The following IPMK variants were observed in gnomAD, a reference collection of about 807,000 sequenced individuals.
IPMK encodes inositol 1,3,4,6-tetrakisphosphate 5-kinase.
IPMK carries 17 observed loss-of-function variants against 45.8 expected under a neutral mutation model. That is an observed-to-expected ratio of 0.37 (90% CI 0.25 to 0.56). The LOEUF is 0.56. IPMK is among the 20% of genes least tolerant of loss of function. The pLI is 0.79. For missense variants in IPMK, 399 were observed against 498.0 expected (o/e 0.80, Z 1.89); for synonymous variants, 180 against 184.3 (o/e 0.98, Z 0.19).
At chr10:58,243,461 T>C (rs113583191) in intron 1 of IPMK, among the ~76,000 whole-genome samples, 2,699 of 152,294 alleles carry the variant, frequency 0.018, 90 homozygotes, top group African/African-American at 0.059. Context: ...CCTCGCTGCC[T>C]CGGGCTCGGG....
At chr10:58,258,609 C>A (rs1468006221) in intron 1 of IPMK, among the ~76,000 whole-genome samples, 2 of 151,972 alleles carry the variant, frequency 1.3e-5, no homozygotes, top group Non-Finnish European at 2.9e-5. Flanking sequence ...AAACAACACC[C>A]TCCTAATTAT....
intron 1 of IPMK, among the ~76,000 whole-genome samples, chr10:58,256,211 A>G (rs1838964928): frequency 6.6e-6 from 1 of 152,180 alleles, no homozygotes; most frequent in African/African-American, 2.4e-5. Flanking sequence ...CTCTTCTTAC[A>G]GAAAGCAAAT....
chr10:58,231,419 A>G (rs955347712), intron 2 of IPMK, among the ~76,000 whole-genome samples: 1 of 152,230 alleles, frequency 6.6e-6, no homozygotes, highest in African/African-American at 2.4e-5. Flanking sequence ...TGTCAAGGAC[A>G]GCCAGAGAGA....
At chr10:58,223,263 T>C (rs1838363892) in intron 3 of IPMK, among the ~76,000 whole-genome samples, 1 of 152,182 alleles carries the variant, frequency 6.6e-6, no homozygotes, top group African/African-American at 2.4e-5. Context: ...TAAATATACA[T>C]ATTGTTTTAT....
chr10:58,245,870 G>C (rs1838791692), intron 1 of IPMK, among the ~76,000 whole-genome samples: 1 of 142,130 alleles, frequency 7.0e-6, no homozygotes. Flanking sequence ...AATTGTCCCT[G>C]TTTGCAGACG....
intron 1 of IPMK, among the ~76,000 whole-genome samples, chr10:58,251,831 AAT>A (rs1265076555): frequency 3.3e-5 from 5 of 152,160 alleles, no homozygotes; most frequent in Admixed American, 3.3e-4. Flanking sequence ...ATTTGCATGG[AAT>A]ATCTTTCTAT....
chr10:58,242,186 AAT>A (rs1286853725), intron 1 of IPMK, among the ~76,000 whole-genome samples: 4 of 152,218 alleles, frequency 2.6e-5, no homozygotes, highest in African/African-American at 9.7e-5. Context: ...AACCATAATT[AAT>A]ATGTTAAAGC....
At chr10:58,248,518 T>A (rs111247624) in intron 1 of IPMK, among the ~76,000 whole-genome samples, 2,694 of 152,312 alleles carry the variant, frequency 0.018, 88 homozygotes, top group African/African-American at 0.059. Flanking sequence ...AATCAGTGTA[T>A]CCATCACCTC....
intron 1 of IPMK, among the ~76,000 whole-genome samples, chr10:58,246,335 C>T (rs1485106451): frequency 9.4e-5 from 14 of 148,344 alleles, no homozygotes; most frequent in Non-Finnish European, 1.6e-4. Flanking sequence ...AAAAAGAGTC[C>T]GCATCGCCAA....
Position 58,196,086 on chromosome 10 carries a change from A to C in IPMK, c.1241T>G (p.Leu414Ter). Reference protein sequence around the residue: ...KHLISVLRSILDN With the variant: ...KHLISVLRSI ...ACTGCAACAGAGGATTCAATTGTCT[A>C]AAATACTTCGAAGTACAGAAATTAA... The change falls in exon 6 of 6, where the codon TTA (leucine) becomes TGA (stop). Residue 414 changes from leucine to a stop codon, truncating the protein, a stop_gained. Coordinates refer to ENST00000373935, the MANE Select transcript of IPMK (RefSeq NM_152230.5). LOFTEE classifies it high-confidence loss of function. 1.2e-6 allele frequency: 2 copies of C among 1,612,164 alleles called. No individual in the cohort carries two copies. The highest frequency in any genetic ancestry group is 1.7e-6 in the Non-Finnish European group (2 of 1,178,668).
At chr10:58,228,967 A>G (rs1838464716) in intron 2 of IPMK, among the ~76,000 whole-genome samples, 1 of 152,224 alleles carries the variant, frequency 6.6e-6, no homozygotes, top group Admixed American at 6.5e-5. Context: ...GGTTCACTCA[A>G]GACCTGAACC....
At chr10:58,219,299 C>A (rs1018574806) in intron 3 of IPMK, among the ~76,000 whole-genome samples, 1 of 152,132 alleles carries the variant, frequency 6.6e-6, no homozygotes, top group African/African-American at 2.4e-5. Flanking sequence ...ATGCAGAATT[C>A]TTATGAAAGA....
intron 1 of IPMK, among the ~76,000 whole-genome samples, chr10:58,248,262 A>T (rs548440977): frequency 6.6e-6 from 1 of 152,138 alleles, no homozygotes; most frequent in African/African-American, 2.4e-5. Context: ...TTGCACATCA[A>T]TGTGCATGTA....
In IPMK at chr10:58,267,514, G is replaced by A. The variant is rs774366483; in HGVS notation, c.98C>T (p.Pro33Leu). ...PAIESTPEGT[P>L]QPAGGRLRFL... The stretch of plus-strand genomic sequence containing the variant: ...GCGGAGTCTGCCGCCCGCCGGCTGC[G>A]GGGTGCCCTCAGGGGTGGACTCGAT... The change falls in exon 1 of 6, where the codon CCG becomes CTG. Residue 33 changes from proline to leucine, a missense_variant. Transcript: ENST00000373935. The A allele has an allele frequency of 3.7e-6, 6 of 1,613,170 alleles. No homozygotes were observed. In the East Asian group the frequency reaches 6.7e-5, roughly 18 times the overall value.
In IPMK at chr10:58,267,775, C is replaced by T. The variant is rs1047228795; in HGVS notation, c.-164G>A. ...CGCGGGGAGGGGGCCCATGACGCCG[C>T]CGGGGCGCGGGCGCTCCTCTGCCCA... On this transcript the variant is annotated 5_prime_UTR_variant, in exon 1 of 6. Transcript: ENST00000373935. 16 of 560,516 alleles carry T rather than the reference C, an allele frequency of 2.9e-5. No homozygotes were observed. The highest frequency in any genetic ancestry group is 4.6e-4 in the Middle Eastern group (1 of 2,166). The allele number at this position is 560,516 out of a possible 1,614,324, so 34.7% of individuals were successfully genotyped here. A position where few individuals can be genotyped will look rare whatever the true frequency, so the allele number is the denominator to read the frequency against.
At chr10:58,239,312 C>G (rs959322040) in intron 1 of IPMK, among the ~76,000 whole-genome samples, 1 of 152,070 alleles carries the variant, frequency 6.6e-6, no homozygotes, top group African/African-American at 2.4e-5. Flanking sequence ...CCTGAAGGTT[C>G]AGATGGAGCA....
intron 1 of IPMK, among the ~76,000 whole-genome samples, chr10:58,242,476 GA>G (rs1315348304): frequency 1.1e-5 from 1 of 88,754 alleles, no homozygotes; most frequent in African/African-American, 4.6e-5. Context: ...AAAAAAAAAA[GA>G]AAAGAAAACA....
intron 2 of IPMK, among the ~76,000 whole-genome samples, chr10:58,229,625 A>G (rs1290214867): frequency 6.6e-6 from 1 of 152,048 alleles, no homozygotes; most frequent in Admixed American, 6.6e-5. Flanking sequence ...ATAAAATAAA[A>G]ATCTGAAGAA....
Position 58,195,350 on chromosome 10 carries a change from C to A in IPMK, c.*726G>T, listed in dbSNP as rs942778357. On this transcript the variant is annotated 3_prime_UTR_variant, in exon 6 of 6. Coordinates refer to ENST00000373935, the MANE Select transcript of IPMK (RefSeq NM_152230.5). ...AGATTGTAAAGGAAAATATTTTGTT[C>A]CTTGAAAATAATATCTCTCTTCCCC... 1.3e-5 allele frequency: 2 copies of A among 151,938 alleles called. No homozygotes were observed. Among genetic ancestry groups the A allele is most frequent in the Admixed American group, 6.6e-5 (1 of 15,252 alleles). 9.4% of individuals were successfully genotyped at this position (151,938 alleles called of 1,614,324 possible). A position where few individuals can be genotyped will look rare whatever the true frequency, so the allele number is the denominator to read the frequency against.
Sources: gnomAD v4.1 joint callset for allele counts (sites outside exome capture counted in the v4.1 genomes callset) on GRCh38, gnomAD v4.1.1 for gene constraint, MANE v1.5 for transcripts, NCBI Gene and HGNC (gene_info 2026-07-23, HGNC 2026-07-21) for gene names.